Variants in SLC9A4 observed in about 807,000 individuals in gnomAD.
SLC9A4 encodes sodium/hydrogen exchanger 4.
SLC9A4 carries 63 observed loss-of-function variants against 67.4 expected under a neutral mutation model. The ratio of observed to expected loss-of-function variants is 0.93; its 90% CI spans 0.76 to 1.15. The LOEUF (loss-of-function observed/expected upper bound fraction) is 1.15, where lower values mean the gene tolerates loss of function less well. Ranked by LOEUF, SLC9A4 falls within the 50% of genes most tolerant of loss-of-function variation. The probability of loss-of-function intolerance (pLI) is 0.00; values close to 1 mark genes in which losing one functional copy is unlikely to be tolerated. For missense variants in SLC9A4, 1,089 were observed against 987.7 expected (o/e 1.10, Z -1.38); for synonymous variants, 393 against 367.2 (o/e 1.07, Z -0.80).
intron 2 of SLC9A4, among the ~76,000 whole-genome samples, chr2:102,495,618 G>A (rs773803303): frequency 6.6e-5 from 10 of 152,160 alleles, no homozygotes; most frequent in South Asian, 4.1e-4. Context: ...ATAATGCCAC[G>A]ATAATTATAA....
rs191992095 is a variant in SLC9A4, at chr2:102,513,384, T to C, written c.1560-706T>C. The stretch of plus-strand genomic sequence containing the variant: ...GCAGGCGGGCAAACTACTCTTTGAA[T>C]GTAAAATGATTGAAAGTGTTGAAAA... On this transcript the variant is annotated intron_variant, in intron 7 of 11. Transcript: ENST00000295269. Among the ~76,000 whole-genome samples, 201 of 152,284 alleles carry C rather than the reference T, an allele frequency of 1.3e-3. 1 individual carries two copies. The highest frequency in any genetic ancestry group is 4.6e-3 in the African/African-American group (191 of 41,564).
rs1685100739 is a variant in SLC9A4 at position 102,508,826 on chromosome 2, GT to G, written c.1402-17del. 2 of 1,593,406 alleles carry G rather than the reference GT, an allele frequency of 1.3e-6. No individual in the cohort carries two copies. Among genetic ancestry groups the G allele is most frequent in the African/African-American group, 2.7e-5 (2 of 73,574 alleles). Reference sequence around the variant, plus strand: ...AGTCTTCATTACAACAAAACCCTTTGTTTTGTTATTTCTGATCTAGGGAATC... The same window carrying G: ...AGTCTTCATTACAACAAAACCCTTTGTTTGTTATTTCTGATCTAGGGAATC... On this transcript the variant is annotated intron_variant, in intron 5 of 11. Coordinates refer to ENST00000295269, the MANE Select transcript of SLC9A4 (RefSeq NM_001011552.4).
intron 6 of SLC9A4, among the ~76,000 whole-genome samples, chr2:102,511,883 G>A (rs566936124): frequency 2.9e-4 from 44 of 151,498 alleles, no homozygotes; most frequent in African/African-American, 1.0e-3. Flanking sequence ...ATTATCCTCC[G>A]AGTGATTTCA....
At position 102,478,933 on chromosome 2, in the gene SLC9A4, C is replaced by T. The variant is rs566422406; in HGVS notation, c.351C>T (p.Thr117=). ...GALVGGIIFG[T]DHKSPPVMDS... ...TGGTGGGCGGCATCATCTTCGGCACCGACCACAAATCGCCTCCGGTCATGG... is the reference window on the plus strand; with the variant it reads ...TGGTGGGCGGCATCATCTTCGGCACTGACCACAAATCGCCTCCGGTCATGG... The change falls in exon 2 of 12, where the codon ACC becomes ACT. Residue 117 remains threonine, a synonymous_variant. Transcript: ENST00000295269. 8 of 1,614,024 alleles carry T rather than the reference C, an allele frequency of 5.0e-6. No homozygotes were observed. Among genetic ancestry groups the T allele is most frequent in the East Asian group, 2.2e-5 (1 of 44,872 alleles).
chr2:102,475,660 C>A (rs981400125), intron 1 of SLC9A4, among the ~76,000 whole-genome samples: 2 of 152,102 alleles, frequency 1.3e-5, no homozygotes, highest in South Asian at 2.1e-4. Context: ...AGTAGGATAT[C>A]AGAACACGCT....
chr2:102,483,096 A>G (rs1026535689), intron 2 of SLC9A4, among the ~76,000 whole-genome samples: 1 of 152,162 alleles, frequency 6.6e-6, no homozygotes, highest in African/African-American at 2.4e-5. Flanking sequence ...TCATTTCAGG[A>G]TAAAATCATA....
intron 2 of SLC9A4, among the ~76,000 whole-genome samples, chr2:102,492,186 G>A (rs1684717113): frequency 6.6e-6 from 1 of 152,204 alleles, no homozygotes; most frequent in Non-Finnish European, 1.5e-5. Flanking sequence ...GGCTTTTCAA[G>A]GTACAAGCTG....
intron 9 of SLC9A4, among the ~76,000 whole-genome samples, chr2:102,521,108 T>C (rs1685400230): frequency 1.3e-5 from 2 of 152,260 alleles, no homozygotes; most frequent in South Asian, 4.2e-4. Context: ...AACTTCCTGG[T>C]TTGAAAAATG....
At chr2:102,483,546 C>T (rs556182446) in intron 2 of SLC9A4, among the ~76,000 whole-genome samples, 1 of 152,210 alleles carries the variant, frequency 6.6e-6, no homozygotes, top group South Asian at 2.1e-4. Context: ...GAAGGGGTTG[C>T]TCCCAACAGT....
At chr2:102,526,172 G>T in intron 10 of SLC9A4, 87 bp from the exon 11 acceptor site, 1 of 1,393,254 alleles carries the variant, frequency 7.2e-7, no homozygotes, top group Non-Finnish European at 1.0e-6. Context: ...ACAGGCGTGA[G>T]CCACAGTGTC....
chr2:102,507,314 T>C (rs1222185838), intron 4 of SLC9A4, among the ~76,000 whole-genome samples: 3 of 152,238 alleles, frequency 2.0e-5, no homozygotes, highest in African/African-American at 7.2e-5. Context: ...GTGGAGAGTT[T>C]TATTCTACGA....
chr2:102,483,542 G>A (rs1192281312), intron 2 of SLC9A4, among the ~76,000 whole-genome samples: 1 of 152,068 alleles, frequency 6.6e-6, no homozygotes, highest in Admixed American at 6.5e-5. Flanking sequence ...AAGAGAAGGG[G>A]TTGCTCCCAA....
In SLC9A4 at chr2:102,528,937, T is replaced by C. The variant is rs576805157; in HGVS notation, c.2038+2591T>C. Among the ~76,000 whole-genome samples the C allele has an allele frequency of 2.0e-5, 3 of 152,280 alleles. No homozygotes were observed. In the South Asian group the frequency reaches 6.2e-4, roughly 32 times the overall value. ...TACTTCTCCACACTGTCATTTCCGG[T>C]CTATAAAGAGGATGATATTGGTTCC... On this transcript the variant is annotated intron_variant, in intron 11 of 11. Coordinates refer to ENST00000295269, the MANE Select transcript of SLC9A4 (RefSeq NM_001011552.4).
intron 2 of SLC9A4, among the ~76,000 whole-genome samples, chr2:102,497,610 G>A (rs1356449444): frequency 2.0e-5 from 3 of 152,332 alleles, no homozygotes; most frequent in East Asian, 1.9e-4. Context: ...TATTCAAACT[G>A]TATAAAATGC....
intron 8 of SLC9A4, 114 bp from the exon 9 acceptor site, chr2:102,519,745 G>A (rs1353172830): frequency 1.3e-5 from 11 of 840,432 alleles, no homozygotes; most frequent in Non-Finnish European, 1.9e-5. Context: ...ATTATATGTA[G>A]GATTCTGGAA....
intron 7 of SLC9A4, among the ~76,000 whole-genome samples, 180 bp downstream of exon 7, chr2:102,512,453 C>G (rs1256970134): frequency 3.9e-5 from 6 of 152,202 alleles, no homozygotes; most frequent in Non-Finnish European, 7.3e-5. Context: ...GAAGAATTGT[C>G]AGGTGGAAGA....
At chr2:102,522,666 T>C (rs1234078681) in intron 9 of SLC9A4, among the ~76,000 whole-genome samples, 3 of 152,202 alleles carry the variant, frequency 2.0e-5, no homozygotes, top group Admixed American at 2.0e-4. Flanking sequence ...TTAAAACTGA[T>C]AAACAATTGT....
chr2:102,493,141 G>A (rs898598513), intron 2 of SLC9A4, among the ~76,000 whole-genome samples: 1 of 152,168 alleles, frequency 6.6e-6, no homozygotes, highest in Admixed American at 6.5e-5. Flanking sequence ...ACACCTTCCT[G>A]TCTTCTGAGC....
intron 2 of SLC9A4, among the ~76,000 whole-genome samples, chr2:102,495,845 A>G (rs1684797070): frequency 6.6e-6 from 1 of 152,184 alleles, no homozygotes; most frequent in South Asian, 2.1e-4. Flanking sequence ...ACCTCAAGCC[A>G]TATTTAAAAA....
Sources: gnomAD v4.1 joint callset for allele counts (sites outside exome capture counted in the v4.1 genomes callset) on GRCh38, gnomAD v4.1.1 for gene constraint, MANE v1.5 for transcripts, NCBI Gene and HGNC (gene_info 2026-07-23, HGNC 2026-07-21) for gene names.